Variants in LUZP2 observed in about 807,000 individuals in gnomAD.
LUZP2 encodes leucine zipper protein 2.
A neutral mutation model predicts 51.6 loss-of-function variants in LUZP2; 52 were observed. That is an observed-to-expected ratio of 1.01 (90% CI 0.81 to 1.27). The LOEUF (loss-of-function observed/expected upper bound fraction) is 1.27, where lower values mean the gene tolerates loss of function less well. LUZP2 is among the 50% of genes most tolerant of loss of function. LUZP2 has a pLI of 0.00. For synonymous variants in LUZP2, 154 were observed against 137.3 expected (o/e 1.12, Z -0.85); for missense variants, 436 against 395.4 (o/e 1.10, Z -0.87).
chr11:24,848,703 C>T (rs1851285039), intron 5 of LUZP2, among the ~76,000 whole-genome samples: 1 of 152,134 alleles, frequency 6.6e-6, no homozygotes, highest in Admixed American at 6.6e-5. Flanking sequence ...TAGAGTTTGC[C>T]ATCATTTTAG....
chr11:24,976,706 C>CA lies in LUZP2; in HGVS notation c.597+65dup, dbSNP rs57265111. The CA allele has an allele frequency of 7.5e-4, 252 of 334,206 alleles. 2 individuals carry two copies. The highest frequency in any genetic ancestry group is 7.5e-3 in the African/African-American group (216 of 28,938). The allele number at this position is 334,206 out of a possible 1,614,324, so 20.7% of individuals were successfully genotyped here. A position where few individuals can be genotyped will look rare whatever the true frequency, so the allele number is the denominator to read the frequency against. On this transcript the variant is annotated intron_variant, in intron 8 of 11. Transcript: ENST00000336930. The stretch of plus-strand genomic sequence containing the variant: ...TGAACCATTACAACTGTAGTTTTAG[C>CA]AAAAAAAAAAAAAAAAAAAAAAAAG...
chr11:24,918,273 A>G (rs1185747976), intron 7 of LUZP2, among the ~76,000 whole-genome samples: 1 of 152,122 alleles, frequency 6.6e-6, no homozygotes, highest in African/African-American at 2.4e-5. Flanking sequence ...CAATCATGTC[A>G]TCTGCAAAGA....
chr11:24,907,399 G>A (rs907853120), intron 6 of LUZP2, among the ~76,000 whole-genome samples: 6 of 149,890 alleles, frequency 4.0e-5, no homozygotes, highest in African/African-American at 1.5e-4. Flanking sequence ...GGCATGAATA[G>A]AAGTGTTTAA....
At chr11:24,846,338 TAAAAG>T (rs1851198858) in intron 5 of LUZP2, among the ~76,000 whole-genome samples, 1 of 151,034 alleles carries the variant, frequency 6.6e-6, no homozygotes, top group African/African-American at 2.4e-5. Context: ...ATCCGCCAAA[TAAAAG>T]AAGAAAATAA....
intron 4 of LUZP2, among the ~76,000 whole-genome samples, chr11:24,741,522 G>A (rs1367066725): frequency 2.6e-5 from 4 of 151,792 alleles, no homozygotes; most frequent in Non-Finnish European, 1.5e-5. Context: ...CAGCCAAGCA[G>A]TATACACTGC....
intron 1 of LUZP2, among the ~76,000 whole-genome samples, chr11:24,647,202 C>T (rs1855487863): frequency 6.6e-6 from 1 of 151,984 alleles, no homozygotes; most frequent in Admixed American, 6.6e-5. Flanking sequence ...AGTTTCCCTC[C>T]ATCTTCTTAC....
intron 10 of LUZP2, among the ~76,000 whole-genome samples, chr11:25,064,135 A>G (rs1055406941): frequency 6.8e-6 from 1 of 146,564 alleles, no homozygotes; most frequent in African/African-American, 2.4e-5. Flanking sequence ...TACATTTTCA[A>G]TTCACATACC....
At chr11:24,698,892 C>CA (rs890231589) in intron 1 of LUZP2, among the ~76,000 whole-genome samples, 43 of 151,534 alleles carry the variant, frequency 2.8e-4, no homozygotes, top group African/African-American at 4.4e-4. Context: ...CCAGTCTCTA[C>CA]AAAAAAAATA....
chr11:24,594,148 G>A (rs1259917183), intron 1 of LUZP2, among the ~76,000 whole-genome samples: 5 of 152,178 alleles, frequency 3.3e-5, no homozygotes, highest in Non-Finnish European at 5.9e-5. Flanking sequence ...CCTAATTTAT[G>A]TGGTTGAAAG....
intron 5 of LUZP2, among the ~76,000 whole-genome samples, chr11:24,878,081 C>T (rs536961780): frequency 2.9e-5 from 4 of 138,196 alleles, no homozygotes; most frequent in South Asian, 2.4e-4. Context: ...ATGATAGTTA[C>T]GGTGTTGTAA....
intron 7 of LUZP2, among the ~76,000 whole-genome samples, chr11:24,959,112 A>G (rs1000614210): frequency 4.9e-4 from 75 of 152,158 alleles, no homozygotes; most frequent in Non-Finnish European, 6.9e-4. Flanking sequence ...CCATTGATCT[A>G]TATCTCTGTT....
intron 1 of LUZP2, among the ~76,000 whole-genome samples, chr11:24,688,040 T>G (rs2133883260): frequency 6.6e-6 from 1 of 152,186 alleles, no homozygotes; most frequent in Non-Finnish European, 1.5e-5. Context: ...TCTCTGTCTC[T>G]GCCAAACAAT....
chr11:25,063,993 TTTATCTTCAGATATCTTGTAAGATAAACA>T (rs1290975887), intron 10 of LUZP2, among the ~76,000 whole-genome samples: 1 of 151,686 alleles, frequency 6.6e-6, no homozygotes, highest in Non-Finnish European at 1.5e-5. Flanking sequence ...AGGGACTCAA[TTTATCTTCAGATATCTTGTAAGATAAACA>T]TTATTACTTC....
At chr11:25,033,872 G>A (rs1236643797) in intron 9 of LUZP2, among the ~76,000 whole-genome samples, 1 of 152,046 alleles carries the variant, frequency 6.6e-6, no homozygotes, top group African/African-American at 2.4e-5. Flanking sequence ...TACTATGAAT[G>A]GTGCCGCAAT....
At chr11:24,616,588 A>G (rs532998741) in intron 1 of LUZP2, among the ~76,000 whole-genome samples, 1 of 151,954 alleles carries the variant, frequency 6.6e-6, no homozygotes, top group African/African-American at 2.4e-5. Flanking sequence ...ATTAATTTTC[A>G]CCTTTGTCAA....
At position 25,037,114 on chromosome 11, in the gene LUZP2, T is replaced by C. The variant is rs1584197; in HGVS notation, c.766-12924T>C. ...ATCTTTTTTTAGGCCAAGAAGTATT[T>C]CTTTTCTAAATCTGGGTGCTTCAGT... is the stretch of plus-strand genomic sequence containing the variant. On this transcript the variant is annotated intron_variant, in intron 9 of 11. Transcript: ENST00000336930. Among the ~76,000 whole-genome samples, 1,190 of 152,318 alleles carry C rather than the reference T, an allele frequency of 7.8e-3. 32 individuals carry two copies. In the East Asian group the frequency reaches 0.099, roughly 13 times the overall value.
At chr11:24,600,270 C>A (rs377481775) in intron 1 of LUZP2, among the ~76,000 whole-genome samples, 7 of 151,768 alleles carry the variant, frequency 4.6e-5, no homozygotes, top group African/African-American at 1.7e-4. Context: ...AGGAAGAAAG[C>A]CCTGTTGCAG....
At chr11:24,658,076 G>T (rs576586725) in intron 1 of LUZP2, among the ~76,000 whole-genome samples, 254 of 152,146 alleles carry the variant, frequency 1.7e-3, no homozygotes, top group African/African-American at 5.5e-3. Context: ...AATAACTACT[G>T]TAAAGTTCAT....
chr11:24,538,622 CAT>C (rs769828138), intron 1 of LUZP2, among the ~76,000 whole-genome samples: 23 of 148,402 alleles, frequency 1.5e-4, no homozygotes, highest in South Asian at 4.3e-4. Flanking sequence ...AAAATACACA[CAT>C]ATATATGTGT....
Sources: gnomAD v4.1 joint callset for allele counts (sites outside exome capture counted in the v4.1 genomes callset) on GRCh38, gnomAD v4.1.1 for gene constraint, MANE v1.5 for transcripts, NCBI Gene and HGNC (gene_info 2026-07-23, HGNC 2026-07-21) for gene names.